Variants in ADCY8 observed in about 807,000 individuals in gnomAD.
ADCY8 encodes adenylate cyclase 8, also known as adenylate cyclase type 8.
In ADCY8, 51 loss-of-function variants were observed where a neutral mutation model predicts 119.7. The ratio of observed to expected loss-of-function variants is 0.43; its 90% CI spans 0.34 to 0.54. The LOEUF (loss-of-function observed/expected upper bound fraction) is 0.54. Among genes scored for constraint, ADCY8 ranks in the 20% least tolerant of loss-of-function variants. The probability of loss-of-function intolerance (pLI) is 0.03; values close to 1 mark genes in which losing one functional copy is unlikely to be tolerated. For synonymous variants in ADCY8, 665 were observed against 651.0 expected (o/e 1.02, Z -0.33); for missense variants, 1,383 against 1,598.8 (o/e 0.87, Z 2.30).
intron 17 of ADCY8, 52 bp downstream of exon 17, chr8:130,783,639 T>C (rs1197329076): frequency 2.2e-6 from 3 of 1,373,944 alleles, no homozygotes; most frequent in Non-Finnish European, 3.1e-6. Flanking sequence ...GGAGGGTCTG[T>C]TGGAGCAAGG....
chr8:130,984,783 C>A (rs79609142), intron 2 of ADCY8, among the ~76,000 whole-genome samples: 1,871 of 152,058 alleles, frequency 0.012, 45 homozygotes, highest in African/African-American at 0.043. Flanking sequence ...AAGAGGAGTA[C>A]TTTTTGGGGG....
chr8:130,825,828 T>C (rs1369161134), intron 12 of ADCY8, among the ~76,000 whole-genome samples: 1 of 152,212 alleles, frequency 6.6e-6, no homozygotes, highest in Non-Finnish European at 1.5e-5. Context: ...TCTGGTGTGG[T>C]CTGTGCCTGG....
At chr8:130,902,172 G>A (rs999508327) in intron 7 of ADCY8, among the ~76,000 whole-genome samples, 7 of 152,124 alleles carry the variant, frequency 4.6e-5, no homozygotes, top group African/African-American at 1.7e-4. Context: ...CTGAGAGAGA[G>A]AACTTTATGC....
At chr8:130,812,348 T>C (rs1816195367) in intron 14 of ADCY8, among the ~76,000 whole-genome samples, 1 of 152,332 alleles carries the variant, frequency 6.6e-6, no homozygotes, top group East Asian at 1.9e-4. Context: ...GTGGTCCGAA[T>C]AGTGCCTAGT....
At position 130,903,844 on chromosome 8, in the gene ADCY8, G is replaced by C. The variant is rs1817600708; in HGVS notation, c.1839C>G (p.Asn613Lys). 1.2e-6 allele frequency: 2 copies of C among 1,613,780 alleles called. No homozygotes were observed. The highest frequency in any genetic ancestry group is 1.1e-5 in the South Asian group (1 of 91,066). The change falls in exon 7 of 18, where the codon AAC becomes AAG. Residue 613 changes from asparagine to lysine, a missense_variant. Transcript: ENST00000286355. The part of the protein sequence containing the change: ...KESVSSSDRR[N>K]SGATFTEGSW... ...ATCCTTCAGTGAATGTGGCCCCACT[G>C]TTTCTCCGGTCTGAGGAGCTCACTG... is the stretch of plus-strand genomic sequence containing the variant.
chr8:131,000,735 C>G (rs1331712829), intron 1 of ADCY8, among the ~76,000 whole-genome samples: 2 of 152,106 alleles, frequency 1.3e-5, no homozygotes, highest in East Asian at 1.9e-4. Flanking sequence ...AACACAACGA[C>G]AGTTCACCCC....
chr8:130,934,638 G>T (rs987703385), intron 5 of ADCY8, among the ~76,000 whole-genome samples: 8 of 152,144 alleles, frequency 5.3e-5, no homozygotes, highest in African/African-American at 1.9e-4. Flanking sequence ...AAACTCTCAA[G>T]TGTCCAAATT....
At chr8:131,006,913 A>G (rs1823137101) in intron 1 of ADCY8, among the ~76,000 whole-genome samples, 1 of 152,148 alleles carries the variant, frequency 6.6e-6, no homozygotes, top group African/African-American at 2.4e-5. Flanking sequence ...GATGATATCA[A>G]TCTTTTAGAG....
chr8:130,850,952 CTT>C (rs1817506471), intron 9 of ADCY8, among the ~76,000 whole-genome samples: 1 of 152,100 alleles, frequency 6.6e-6, no homozygotes, highest in Admixed American at 6.5e-5. Flanking sequence ...CTTTTTATCT[CTT>C]TTTTTCCAGA....
rs752932711 is a variant in ADCY8 at position 130,937,209 on chromosome 8, A to C, written c.1354-9T>G. ...CGAAGGCAGTGATGCTCCTGGAAGG[A>C]ACAGGATAAGAGGGAAAGGTCTATG... On this transcript the variant is annotated splice_polypyrimidine_tract_variant and intron_variant, in intron 4 of 17. Coordinates refer to ENST00000286355, the MANE Select transcript of ADCY8 (RefSeq NM_001115.3). 6.2e-7 allele frequency: 1 copy of C among 1,612,724 alleles called. No individual in the cohort carries two copies. Among genetic ancestry groups the C allele is most frequent in the Admixed American group, 1.7e-5 (1 of 59,836 alleles).
At chr8:130,960,717 G>A (rs1821575882) in intron 2 of ADCY8, among the ~76,000 whole-genome samples, 1 of 151,908 alleles carries the variant, frequency 6.6e-6, no homozygotes, top group Non-Finnish European at 1.5e-5. Context: ...ATACAAACAG[G>A]GGAAAATTCA....
Position 130,876,688 on chromosome 8 carries a change from CAT to C in ADCY8, c.2109+7874_2109+7875del, listed in dbSNP as rs1818577678. On this transcript the variant is annotated intron_variant, in intron 8 of 17. Coordinates refer to ENST00000286355, the MANE Select transcript of ADCY8 (RefSeq NM_001115.3). ...TGCCTATGTATGTGTACATGTGTGA[CAT>C]GTGTGGATATTTGTGTGTGTGTAGG... Among the ~76,000 whole-genome samples, 17 of 150,402 alleles carry C rather than the reference CAT, an allele frequency of 1.1e-4. No individual in the cohort carries two copies. The South Asian group carries it at 3.3e-3, about 30-fold the overall frequency.
At chr8:130,856,154 C>T (rs1381516085) in intron 9 of ADCY8, among the ~76,000 whole-genome samples, 2 of 151,958 alleles carry the variant, frequency 1.3e-5, no homozygotes, top group South Asian at 2.1e-4. Context: ...GGGAAGCCTG[C>T]CCCAGAGGCA....
At chr8:130,910,532 C>A (rs768740006) in intron 5 of ADCY8, among the ~76,000 whole-genome samples, 4 of 152,142 alleles carry the variant, frequency 2.6e-5, no homozygotes, top group Non-Finnish European at 5.9e-5. Context: ...GACCTCATTA[C>A]CCCATCACTC....
At chr8:130,981,280 T>C (rs1014845194) in intron 2 of ADCY8, among the ~76,000 whole-genome samples, 1 of 152,188 alleles carries the variant, frequency 6.6e-6, no homozygotes, top group African/African-American at 2.4e-5. Flanking sequence ...TGCAAAATAG[T>C]AAATGTAGAA....
chr8:131,013,333 G>A (rs756296236), intron 1 of ADCY8, among the ~76,000 whole-genome samples: 9 of 152,130 alleles, frequency 5.9e-5, no homozygotes, highest in Non-Finnish European at 7.4e-5. Flanking sequence ...TGGGCAGAAG[G>A]AGAGCAGGGA....
intron 11 of ADCY8, among the ~76,000 whole-genome samples, chr8:130,846,851 T>TCCTCCCCTCC (rs772847409): frequency 4.9e-5 from 1 of 20,492 alleles, no homozygotes; most frequent in Non-Finnish European, 8.5e-5. Context: ...CTTCCTTCCT[T>TCCTCCCCTCC]CCTCCCCTCC....
intron 11 of ADCY8, among the ~76,000 whole-genome samples, chr8:130,842,362 T>C (rs1005649508): frequency 6.6e-6 from 1 of 152,304 alleles, no homozygotes; most frequent in Admixed American, 6.5e-5. Flanking sequence ...AGCTTTTCAA[T>C]CTCCTCATCT....
At chr8:130,824,341 T>C (rs972094171) in intron 12 of ADCY8, among the ~76,000 whole-genome samples, 13 of 152,160 alleles carry the variant, frequency 8.5e-5, no homozygotes, top group African/African-American at 2.9e-4. Flanking sequence ...GATACTATTA[T>C]TCCCATTCTA....
Sources: allele counts gnomAD v4.1 joint callset (sites outside exome capture counted in the v4.1 genomes callset), GRCh38; gene constraint gnomAD v4.1.1; transcripts MANE v1.5; gene names NCBI Gene and HGNC (gene_info 2026-07-23, HGNC 2026-07-21).